Variants in SUGCT observed in about 807,000 individuals in gnomAD.
The protein encoded by SUGCT is succinyl-CoA:glutarate-CoA transferase, also known as succinyl-CoA:glutarate CoA-transferase.
In SUGCT, 41 loss-of-function variants were observed where a neutral mutation model predicts 55.0. The ratio of observed to expected loss-of-function variants is 0.74; its 90% CI spans 0.58 to 0.97. SUGCT has a LOEUF of 0.97. Ranked by LOEUF, SUGCT falls within the 50% of genes least tolerant of loss-of-function variation. The pLI is 0.00. For synonymous variants in SUGCT, 187 were observed against 200.4 expected, an observed-to-expected ratio of 0.93 and a Z score of 0.56; for missense variants, 568 against 547.8, an observed-to-expected ratio of 1.04 and a Z score of -0.37.
At chr7:40,231,349 A>C (rs1467095300) in intron 6 of SUGCT, among the ~76,000 whole-genome samples, 1 of 152,220 alleles carries the variant, frequency 6.6e-6, no homozygotes, top group African/African-American at 2.4e-5. Context: ...TGCAGAGAAC[A>C]GTCACCTTGG....
At chr7:40,578,520 G>C (rs1172698848) in intron 12 of SUGCT, among the ~76,000 whole-genome samples, 1 of 151,698 alleles carries the variant, frequency 6.6e-6, no homozygotes, top group African/African-American at 2.4e-5. Flanking sequence ...CTCATTGGAA[G>C]AGTTTGGTAC....
At chr7:40,897,996 A>G in the SUGCT span, among the ~76,000 whole-genome samples, 4 of 152,186 alleles carry the variant, frequency 2.6e-5, no homozygotes, top group South Asian at 2.1e-4. Context: ...CCACCCGCTC[A>G]GGTTCCCTTC....
intron 13 of SUGCT, among the ~76,000 whole-genome samples, chr7:40,859,659 G>A (rs970974300): frequency 6.6e-6 from 1 of 152,178 alleles, no homozygotes; most frequent in Non-Finnish European, 1.5e-5. Context: ...ATCCTTACCT[G>A]AAGTCTGTAT....
At chr7:40,350,542 G>A (rs966769142) in intron 9 of SUGCT, among the ~76,000 whole-genome samples, 1 of 151,184 alleles carries the variant, frequency 6.6e-6, no homozygotes, top group African/African-American at 2.4e-5. Context: ...TGTTGGTCAG[G>A]CTGGTCTTGA....
chr7:40,549,865 CAGATTCTG>C (rs1795210307), intron 12 of SUGCT, among the ~76,000 whole-genome samples: 1 of 152,044 alleles, frequency 6.6e-6, no homozygotes, highest in African/African-American at 2.4e-5. Flanking sequence ...AGCTCGGGGT[CAGATTCTG>C]AGGAATATAC....
intron 9 of SUGCT, among the ~76,000 whole-genome samples, chr7:40,410,088 G>A (rs1786591492): frequency 6.6e-6 from 1 of 151,902 alleles, no homozygotes; most frequent in South Asian, 2.1e-4. Flanking sequence ...CATGGTAATT[G>A]CTTATATTAG....
chr7:40,692,016 G>A (rs1784722105), intron 12 of SUGCT, among the ~76,000 whole-genome samples: 1 of 152,166 alleles, frequency 6.6e-6, no homozygotes, highest in African/African-American at 2.4e-5. Flanking sequence ...GATAAAGCCA[G>A]AATTTGAACT....
chr7:40,525,704 G>C (rs564364859), intron 12 of SUGCT, among the ~76,000 whole-genome samples: 3 of 152,266 alleles, frequency 2.0e-5, no homozygotes, highest in South Asian at 4.1e-4. Context: ...AGAAGTGATA[G>C]AGTTATAGAA....
At chr7:40,948,438 TGATGATGA>T in the SUGCT span, among the ~76,000 whole-genome samples, 2,458 of 46,734 alleles carry the variant, frequency 0.053, 72 homozygotes, top group African/African-American at 0.12. Flanking sequence ...AAAAACATGA[TGATGATGA>T]TGATGATGAT....
intron 13 of SUGCT, among the ~76,000 whole-genome samples, chr7:40,809,350 T>TGAAAA (rs1398839796): frequency 6.6e-6 from 1 of 152,220 alleles, no homozygotes; most frequent in African/African-American, 2.4e-5. Context: ...GCCAATGATA[T>TGAAAA]TTTCTATTAG....
intron 6 of SUGCT, among the ~76,000 whole-genome samples, chr7:40,212,769 G>A (rs1353135924): frequency 6.6e-6 from 1 of 152,104 alleles, no homozygotes; most frequent in South Asian, 2.1e-4. Flanking sequence ...TCTTGACCTC[G>A]TGATTCACCC....
chr7:40,826,001 G>A (rs79354326), intron 13 of SUGCT, among the ~76,000 whole-genome samples: 2 of 152,178 alleles, frequency 1.3e-5, no homozygotes, highest in African/African-American at 4.8e-5. Flanking sequence ...TTTATTAAGT[G>A]CCTACAGACA....
intron 7 of SUGCT, among the ~76,000 whole-genome samples, chr7:40,245,424 T>TA (rs59609393): frequency 0.089 from 1,004 of 11,308 alleles, 115 homozygotes; most frequent in Middle Eastern, 0.17. Flanking sequence ...TATATATATA[T>TA]TTTTTTTTTT....
chr7:40,738,272 A>G (rs184899700), intron 12 of SUGCT, among the ~76,000 whole-genome samples: 1 of 152,106 alleles, frequency 6.6e-6, no homozygotes, highest in East Asian at 1.9e-4. Context: ...GTGAGGAAAC[A>G]ATCTCAATCA....
rs77144475 is a variant in SUGCT, at chr7:40,528,239, T to C, written c.1089+31853T>C. Among the ~76,000 whole-genome samples the C allele has an allele frequency of 3.0e-3, 454 of 152,336 alleles. 2 individuals are homozygous for C. The highest frequency in any genetic ancestry group is 0.01 in the African/African-American group (417 of 41,578). On this transcript the variant is annotated intron_variant, in intron 12 of 13. Coordinates refer to ENST00000335693, the MANE Select transcript of SUGCT (RefSeq NM_001193313.2). ...ATCAGTGTTGGCTTTTATTATTTAC[T>C]TTGACTAGACTACTTAGTTTGACTT...
rs1304312303 is a variant in SUGCT, at chr7:40,377,174, C to T, written c.816+60319C>T. Among the ~76,000 whole-genome samples the T allele has an allele frequency of 1.9e-4, 3 of 15,500 alleles. 1 individual carries two copies. In the East Asian group the frequency reaches 3.6e-3, roughly 19 times the overall value. The allele number at this position is 15,500 out of a possible 152,430, so 10.2% of individuals were successfully genotyped here. On this transcript the variant is annotated intron_variant, in intron 9 of 13. Transcript: ENST00000335693. ...TCTTTCTTTCTTTCTTTCTTTCTTT[C>T]TTTCTTTCTTTCTTTCTTTCTTTCT...
At position 40,620,845 on chromosome 7, in the gene SUGCT, G is replaced by A. The variant is rs141011480; in HGVS notation, c.1089+124459G>A. Among the ~76,000 whole-genome samples the A allele has an allele frequency of 3.3e-3, 508 of 152,232 alleles. 2 individuals are homozygous for A. The highest frequency in any genetic ancestry group is 0.012 in the African/African-American group (481 of 41,534). ...TGCTTTCCTCACTGTTAGCTAAATA[G>A]CAAGAGGAACAAGTTTGCAAAACAG... is the stretch of plus-strand genomic sequence containing the variant. On this transcript the variant is annotated intron_variant, in intron 12 of 13. Coordinates refer to ENST00000335693, the MANE Select transcript of SUGCT (RefSeq NM_001193313.2).
Position 40,571,608 on chromosome 7 carries a change from G to A in SUGCT, c.1089+75222G>A, listed in dbSNP as rs975130295. On this transcript the variant is annotated intron_variant, in intron 12 of 13. Coordinates refer to ENST00000335693, the MANE Select transcript of SUGCT (RefSeq NM_001193313.2). ...GCTACAGCATTTGACATAGTATTTT[G>A]AACAAAATAAATGCTCAAGAAAATG... Among the ~76,000 whole-genome samples, 4 of 152,090 alleles carry A rather than the reference G, an allele frequency of 2.6e-5. No individual in the cohort carries two copies. The South Asian group carries it at 6.2e-4, about 24-fold the overall frequency.
At chr7:40,845,906 T>C (rs1401750731) in intron 13 of SUGCT, among the ~76,000 whole-genome samples, 1 of 152,186 alleles carries the variant, frequency 6.6e-6, no homozygotes, top group African/African-American at 2.4e-5. Flanking sequence ...AAAAAATTTA[T>C]TAAATTCTGA....
Sources: allele counts gnomAD v4.1 joint callset (sites outside exome capture counted in the v4.1 genomes callset), GRCh38; gene constraint gnomAD v4.1.1; transcripts MANE v1.5; gene names NCBI Gene and HGNC (gene_info 2026-07-23, HGNC 2026-07-21).